PSD3: variants seen among roughly 807,000 people sequenced by gnomAD.
PSD3 encodes the protein PH and SEC7 domain-containing protein 3.
Under a neutral mutation model 105.5 loss-of-function variants are expected in PSD3, and 49 were observed. The ratio of observed to expected loss-of-function variants is 0.46; its 90% CI spans 0.37 to 0.59. PSD3 has a LOEUF of 0.59. PSD3 is among the 20% of genes least tolerant of loss of function. The pLI is 0.00. For missense variants in PSD3, 1,561 were observed against 1,263.8 expected (o/e 1.24, Z -3.57); for synonymous variants, 557 against 457.8 (o/e 1.22, Z -2.77).
chr8:19,023,936 G>A (rs956065609), intron 1 of PSD3, among the ~76,000 whole-genome samples: 2 of 152,154 alleles, frequency 1.3e-5, no homozygotes, highest in Non-Finnish European at 2.9e-5. Flanking sequence ...ACTATGCACT[G>A]TACTGTACTG....
At chr8:18,967,247 C>T (rs887414949) in intron 1 of PSD3, among the ~76,000 whole-genome samples, 1 of 151,912 alleles carries the variant, frequency 6.6e-6, no homozygotes, top group African/African-American at 2.4e-5. Flanking sequence ...CCCCTGCCTC[C>T]CAGGTTCAAG....
intron 9 of PSD3, among the ~76,000 whole-genome samples, chr8:18,729,662 G>A (rs1261487891): frequency 6.6e-6 from 1 of 152,190 alleles, no homozygotes; most frequent in Non-Finnish European, 1.5e-5. Context: ...CCCAACATCT[G>A]TCTCATGTAT....
rs1407002188 is a variant in PSD3, at chr8:18,534,068, T to C, written c.*1675A>G. The stretch of plus-strand genomic sequence containing the variant: ...GTTAATAAATAATTCTGTAAATAAA[T>C]GCTAGTACATCATAATAACATACCA... On this transcript the variant is annotated 3_prime_UTR_variant, in exon 16 of 16. Coordinates refer to ENST00000327040, the MANE Select transcript of PSD3 (RefSeq NM_015310.4). 1.3e-5 allele frequency: 2 copies of C among 152,170 alleles called. No homozygotes were observed. Among genetic ancestry groups the C allele is most frequent in the Non-Finnish European group, 2.9e-5 (2 of 68,016 alleles). 9.4% of individuals were successfully genotyped at this position (152,170 alleles called of 1,614,324 possible).
At chr8:18,742,370 G>C (rs1455407954) in intron 9 of PSD3, among the ~76,000 whole-genome samples, 1 of 152,072 alleles carries the variant, frequency 6.6e-6, no homozygotes, top group Non-Finnish European at 1.5e-5. Flanking sequence ...AAATTAGAAT[G>C]GTCAGGCTGA....
chr8:18,598,478 T>A (rs1442921311), intron 12 of PSD3, among the ~76,000 whole-genome samples: 1 of 151,432 alleles, frequency 6.6e-6, no homozygotes, highest in Non-Finnish European at 1.5e-5. Context: ...ATCCTTGGGA[T>A]GTAAAGGTGG....
Position 18,547,685 on chromosome 8 carries a change from C to T in PSD3, c.2928+8524G>A, listed in dbSNP as rs537605028. Among the ~76,000 whole-genome samples, 4 of 152,298 alleles carry T rather than the reference C, an allele frequency of 2.6e-5. No individual in the cohort carries two copies. In the South Asian group the frequency reaches 6.2e-4, roughly 24 times the overall value. Reference sequence around the variant, plus strand: ...AGGTATGTGTAAGCCATCTTGCAGACATCACTTCTCAACTCCCTTTCTTTC... The same window carrying T: ...AGGTATGTGTAAGCCATCTTGCAGATATCACTTCTCAACTCCCTTTCTTTC... On this transcript the variant is annotated intron_variant, in intron 15 of 15. Coordinates refer to ENST00000327040, the MANE Select transcript of PSD3 (RefSeq NM_015310.4).
intron 8 of PSD3, among the ~76,000 whole-genome samples, chr8:18,765,838 T>C (rs1806940169): frequency 6.6e-6 from 1 of 151,936 alleles, no homozygotes; most frequent in South Asian, 2.1e-4. Flanking sequence ...CATGGTGGCA[T>C]GCACCTGTAG....
intron 4 of PSD3, among the ~76,000 whole-genome samples, chr8:18,861,387 A>C (rs529749145): frequency 6.6e-6 from 1 of 152,214 alleles, no homozygotes; most frequent in Admixed American, 6.5e-5. Flanking sequence ...CACCCTTGAG[A>C]GCCCTCTCAT....
intron 2 of PSD3, among the ~76,000 whole-genome samples, chr8:18,906,564 C>T (rs1336296224): frequency 2.0e-5 from 3 of 152,158 alleles, no homozygotes; most frequent in Admixed American, 6.5e-5. Context: ...ATATGAGGGG[C>T]ACAAACACAG....
At chr8:18,692,266 A>G (rs961548946) in intron 9 of PSD3, among the ~76,000 whole-genome samples, 2 of 152,226 alleles carry the variant, frequency 1.3e-5, no homozygotes, top group Admixed American at 1.3e-4. Flanking sequence ...GATAGACATT[A>G]ATCAATCAAT....
intron 4 of PSD3, among the ~76,000 whole-genome samples, chr8:18,838,176 T>G (rs1056323905): frequency 1.3e-5 from 2 of 152,150 alleles, no homozygotes; most frequent in South Asian, 4.1e-4. Flanking sequence ...CAACCCTGAG[T>G]GGGACTTTTA....
intron 1 of PSD3, among the ~76,000 whole-genome samples, chr8:19,012,951 T>C (rs1827022787): frequency 6.6e-6 from 1 of 152,078 alleles, no homozygotes; most frequent in South Asian, 2.1e-4. Flanking sequence ...ACGAAACATT[T>C]ATTATTTAGG....
At chr8:18,549,121 G>A (rs1315023878) in intron 15 of PSD3, among the ~76,000 whole-genome samples, 2 of 151,822 alleles carry the variant, frequency 1.3e-5, no homozygotes, top group African/African-American at 2.4e-5. Context: ...TGAGGTAGGG[G>A]TGACATAGAT....
chr8:18,877,469 A>G (rs1319386752), intron 2 of PSD3, among the ~76,000 whole-genome samples: 1 of 151,968 alleles, frequency 6.6e-6, no homozygotes, highest in Non-Finnish European at 1.5e-5. Context: ...AAAATCAAAC[A>G]TATACATATA....
intron 9 of PSD3, among the ~76,000 whole-genome samples, chr8:18,724,267 T>C (rs769738503): frequency 1.3e-5 from 2 of 152,074 alleles, no homozygotes; most frequent in Non-Finnish European, 1.5e-5. Flanking sequence ...GGCAAAATCA[T>C]ATTGGGCAAA....
intron 8 of PSD3, among the ~76,000 whole-genome samples, chr8:18,792,923 G>A (rs77898773): frequency 0.024 from 3,724 of 152,222 alleles, 167 homozygotes; most frequent in East Asian, 0.14. Flanking sequence ...CTTGGAACCA[G>A]TCCAAATGTC....
chr8:18,820,024 A>G (rs1812560325), intron 4 of PSD3, among the ~76,000 whole-genome samples: 1 of 152,230 alleles, frequency 6.6e-6, no homozygotes, highest in African/African-American at 2.4e-5. Flanking sequence ...AGATGCTATA[A>G]AAGGTACTGA....
chr8:18,896,382 G>A (rs1398530227), intron 2 of PSD3, among the ~76,000 whole-genome samples: 3 of 152,086 alleles, frequency 2.0e-5, no homozygotes, highest in Non-Finnish European at 4.4e-5. Flanking sequence ...TAGTTTTTGA[G>A]CAACTTCCAT....
intron 13 of PSD3, among the ~76,000 whole-genome samples, chr8:18,574,808 A>C (rs1585279644): frequency 6.6e-6 from 1 of 152,182 alleles, no homozygotes; most frequent in Non-Finnish European, 1.5e-5. Context: ...AGTGTTATCT[A>C]GGTCTGTTTT....
Sources: allele counts gnomAD v4.1 joint callset (sites outside exome capture counted in the v4.1 genomes callset), GRCh38; gene constraint gnomAD v4.1.1; transcripts MANE v1.5; gene names NCBI Gene and HGNC (gene_info 2026-07-23, HGNC 2026-07-21).